The following PKHD1L1 variants were observed in gnomAD, a reference collection of about 807,000 sequenced individuals.
PKHD1L1 encodes PKHD1 like 1, also known as fibrocystin-L.
PKHD1L1 carries 434 observed loss-of-function variants against 462.9 expected under a neutral mutation model. The observed-to-expected ratio is 0.94, with a 90% CI of 0.87 to 1.02. PKHD1L1 has a LOEUF of 1.02. Ranked by LOEUF, PKHD1L1 falls within the 50% of genes least tolerant of loss-of-function variation. PKHD1L1 has a pLI of 0.00. For synonymous variants in PKHD1L1, 1,781 were observed against 1,750.0 expected, an observed-to-expected ratio of 1.02 and a Z score of -0.44; for missense variants, 5,202 against 5,096.1, an observed-to-expected ratio of 1.02 and a Z score of -0.63.
chr8:109,445,268 C>T lies in PKHD1L1; in HGVS notation c.5399C>T (p.Ala1800Val). The T allele has an allele frequency of 6.2e-7, 1 of 1,613,988 alleles. No homozygotes were observed. Among genetic ancestry groups the T allele is most frequent in the Non-Finnish European group, 8.5e-7 (1 of 1,179,874 alleles). ...AIEVNENNIT[A>V]LVTPLPVGHH... ...GAGGTTAATGAAAACAACATCACTG[C>T]TCTTGTGACTCCTCTCCCAGTTGGA... is the stretch of plus-strand genomic sequence containing the variant. Residue 1800 changes from alanine (A) to valine (V), a missense_variant, in exon 38 of 78, where the codon GCT (alanine) becomes GTT (valine). This residue lies in a region of PKHD1L1 where 4,497 missense variants were observed against 4,336.8 expected (regional missense o/e 1.04). Transcript: ENST00000378402.
At chr8:109,410,287 A>G (rs1457647966) in intron 19 of PKHD1L1, among the ~76,000 whole-genome samples, 3 of 152,160 alleles carry the variant, frequency 2.0e-5, no homozygotes, top group African/African-American at 7.2e-5. Flanking sequence ...TTGCGTTGCT[A>G]TAAAGAAATA....
chr8:109,476,731 G>T (rs913328175), intron 52 of PKHD1L1, 64 bp downstream of exon 52: 126 of 1,429,320 alleles, frequency 8.8e-5, no homozygotes, highest in Admixed American at 2.3e-4. Context: ...GAGAAAAATT[G>T]CTTAATAAGC....
intron 67 of PKHD1L1, among the ~76,000 whole-genome samples, chr8:109,499,490 C>T (rs1819292134): frequency 6.6e-6 from 1 of 152,042 alleles, no homozygotes; most frequent in South Asian, 2.1e-4. Context: ...TGCTCATACC[C>T]TTGGAGGAAA....
Position 109,491,065 on chromosome 8 carries a change from A to G in PKHD1L1, c.10078A>G (p.Ile3360Val), listed in dbSNP as rs770860484. Reference sequence around the variant, plus strand: ...TGTATTTGGGACAGATGGATTGGACATAGATGACAACATCATTCACTTTAC... The same window carrying G: ...TGTATTTGGGACAGATGGATTGGACGTAGATGACAACATCATTCACTTTAC... Reference protein sequence around the residue: ...IGVFGTDGLDIDDNIIHFTVG... With the variant: ...IGVFGTDGLDVDDNIIHFTVG... Residue 3360 changes from isoleucine to valine, a missense_variant, in exon 61 of 78, where the codon ATA becomes GTA. Coordinates refer to ENST00000378402, the MANE Select transcript of PKHD1L1 (RefSeq NM_177531.6). The G allele has an allele frequency of 1.9e-6, 3 of 1,609,820 alleles. 1 individual carries two copies. In the South Asian group the frequency reaches 3.3e-5, roughly 18 times the overall value.
chr8:109,531,531 T>C lies in PKHD1L1; in HGVS notation c.*1441T>C, dbSNP rs1244883208. On this transcript the variant is annotated 3_prime_UTR_variant, in exon 78 of 78. Transcript: ENST00000378402. The stretch of plus-strand genomic sequence containing the variant: ...AGAGAGAGAGAAAGCATGAGGTTGC[T>C]AGCAATATGGAGGCCTTAAGCCTTG... Among the ~76,000 whole-genome samples, 1 of 151,622 alleles carries C rather than the reference T, an allele frequency of 6.6e-6. No individual in the cohort carries two copies. Among genetic ancestry groups the C allele is most frequent in the Non-Finnish European group, 1.5e-5 (1 of 67,892 alleles).
At position 109,454,743 on chromosome 8, in the gene PKHD1L1, A is replaced by G. The variant is rs1816723656; in HGVS notation, c.6765A>G (p.Pro2255=). The part of the protein sequence containing the change: ...GVLQIGTETS[P]FQHKAVITLH... ...TGCAGATTGGAACAGAGACATCCCC[A>G]TTCCAACACAAGGCTGTCATTACCT... Residue 2255 remains proline (P), a synonymous_variant, in exon 45 of 78, where the codon CCA becomes CCG. Coordinates refer to ENST00000378402, the MANE Select transcript of PKHD1L1 (RefSeq NM_177531.6). 4 of 1,613,766 alleles carry G rather than the reference A, an allele frequency of 2.5e-6. No homozygotes were observed. Among genetic ancestry groups the G allele is most frequent in the Non-Finnish European group, 8.5e-7 (1 of 1,179,770 alleles).
At chr8:109,493,554 A>C (rs1818934297) in intron 62 of PKHD1L1, 107 bp from the exon 63 acceptor site, 2 of 535,992 alleles carry the variant, frequency 3.7e-6, no homozygotes, top group Admixed American at 7.8e-5. Flanking sequence ...CTGAAAATGT[A>C]GTCATAATTA....
intron 70 of PKHD1L1, among the ~76,000 whole-genome samples, chr8:109,508,829 G>A (rs1819831891): frequency 6.6e-6 from 1 of 152,088 alleles, no homozygotes; most frequent in African/African-American, 2.4e-5. Context: ...CTGGTCTTAG[G>A]AGGCTGTAGC....
intron 16 of PKHD1L1, among the ~76,000 whole-genome samples, chr8:109,405,432 G>A (rs1813484565): frequency 6.6e-6 from 1 of 151,986 alleles, no homozygotes; most frequent in African/African-American, 2.4e-5. Flanking sequence ...TAGGAATTGT[G>A]AATAGTCAAC....
At chr8:109,514,604 T>G (rs1190317468) in intron 71 of PKHD1L1, among the ~76,000 whole-genome samples, 1 of 152,192 alleles carries the variant, frequency 6.6e-6, no homozygotes, top group Non-Finnish European at 1.5e-5. Flanking sequence ...GTATAGCTTA[T>G]TAAGCTCCAT....
At position 109,409,935 on chromosome 8, in the gene PKHD1L1, T is replaced by C. The variant is rs1245049397; in HGVS notation, c.2042T>C (p.Phe681Ser). ...PPQIANFEEG[F>S]VVKYFRDYET... ...CAAATTGCAAATTTTGAAGAAGGAT[T>C]TGTTGTGAAATATTTCAGAGACTAT... The change falls in exon 19 of 78, where the codon TTT becomes TCT. Residue 681 changes from phenylalanine to serine, a missense_variant. Coordinates refer to ENST00000378402, the MANE Select transcript of PKHD1L1 (RefSeq NM_177531.6). 1 of 1,606,370 alleles carries C rather than the reference T, an allele frequency of 6.2e-7. No individual in the cohort carries two copies. The highest frequency in any genetic ancestry group is 1.3e-5 in the African/African-American group (1 of 74,538).
intron 59 of PKHD1L1, among the ~76,000 whole-genome samples, chr8:109,488,724 G>A (rs568999922): frequency 3.9e-5 from 6 of 151,920 alleles, no homozygotes; most frequent in Non-Finnish European, 8.8e-5. Flanking sequence ...ATCTGCCAGA[G>A]GAAGCTTACC....
At chr8:109,372,044 G>A (rs1650621191) in intron 2 of PKHD1L1, among the ~76,000 whole-genome samples, 1 of 152,170 alleles carries the variant, frequency 6.6e-6, no homozygotes, top group African/African-American at 2.4e-5. Context: ...TGTGAAGAAA[G>A]TCATTGGTAG....
chr8:109,457,987 T>A (rs1171449345), intron 46 of PKHD1L1, among the ~76,000 whole-genome samples: 1 of 152,050 alleles, frequency 6.6e-6, no homozygotes, highest in African/African-American at 2.4e-5. Flanking sequence ...CTTCCCTCTA[T>A]CTTTTGGAAT....
chr8:109,394,262 C>A (rs1432534972), intron 9 of PKHD1L1, among the ~76,000 whole-genome samples, 153 bp from the exon 10 acceptor site: 3 of 146,794 alleles, frequency 2.0e-5, no homozygotes, highest in Non-Finnish European at 3.0e-5. Context: ...ATGTCACCAA[C>A]AACCAAATCA....
chr8:109,483,119 T>A lies in PKHD1L1; in HGVS notation c.9576+14T>A. ...GTGGATTGGCAGGTAGACAAAATAATTATGTAATGGAAAATGAATATACAC... is the reference window on the plus strand; with the variant it reads ...GTGGATTGGCAGGTAGACAAAATAAATATGTAATGGAAAATGAATATACAC... On this transcript the variant is annotated intron_variant, in intron 57 of 77. Transcript: ENST00000378402. The A allele has an allele frequency of 6.5e-7, 1 of 1,547,600 alleles. No individual in the cohort carries two copies. The highest frequency in any genetic ancestry group is 8.8e-7 in the Non-Finnish European group (1 of 1,141,320).
chr8:109,452,017 T>A (rs768971656), intron 41 of PKHD1L1, 107 bp from the exon 42 acceptor site: 38 of 986,682 alleles, frequency 3.9e-5, no homozygotes, highest in Non-Finnish European at 5.1e-5. Flanking sequence ...GCTGATAGAA[T>A]CAGGTCATTT....
In PKHD1L1 at chr8:109,396,141, T is replaced by C. The variant is rs1812962972; in HGVS notation, c.922+4T>C. 3 of 1,589,794 alleles carry C rather than the reference T, an allele frequency of 1.9e-6. No individual in the cohort carries two copies. Among genetic ancestry groups the C allele is most frequent in the Non-Finnish European group, 2.6e-6 (3 of 1,164,714 alleles). ...CCCGTCAGAGTTCTAGTTGGAGGTA[T>C]TTCTCATGGTTTTTGATATATTACT... On this transcript the variant is annotated splice_donor_region_variant and intron_variant, in intron 11 of 77. Transcript: ENST00000378402.
chr8:109,410,000 G>A (rs751605221), intron 19 of PKHD1L1, 22 bp downstream of exon 19: 14 of 1,262,648 alleles, frequency 1.1e-5, no homozygotes, highest in Non-Finnish European at 1.4e-5. Flanking sequence ...TTAATGAACT[G>A]TGAAACTGAC....
Sources: gnomAD v4.1 joint callset for allele counts (sites outside exome capture counted in the v4.1 genomes callset) on GRCh38, gnomAD v4.1.1 for gene constraint, gnomAD v4.1.1 regional missense constraint, MANE v1.5 for transcripts, NCBI Gene and HGNC (gene_info 2026-07-23, HGNC 2026-07-21) for gene names.